Variants in GLCE observed in about 807,000 individuals in gnomAD.
GLCE encodes glucuronic acid epimerase, also known as D-glucuronyl C5-epimerase.
GLCE carries 19 observed loss-of-function variants against 47.9 expected under a neutral mutation model. That is an observed-to-expected ratio of 0.40 (90% CI 0.28 to 0.58). GLCE has a LOEUF of 0.58. Ranked by LOEUF, GLCE falls within the 20% of genes least tolerant of loss-of-function variation. GLCE has a pLI of 0.48. For missense variants in GLCE, 556 were observed against 743.3 expected (o/e 0.75, Z 2.93); for synonymous variants, 245 against 263.4 (o/e 0.93, Z 0.68).
chr15:69,181,982 G>A (rs1358077091), intron 1 of GLCE, among the ~76,000 whole-genome samples: 1 of 151,680 alleles, frequency 6.6e-6, no homozygotes, highest in Non-Finnish European at 1.5e-5. Context: ...AGAATATGTG[G>A]GCACAGACGT....
chr15:69,178,082 A>G (rs2051697632), intron 1 of GLCE, among the ~76,000 whole-genome samples: 1 of 152,176 alleles, frequency 6.6e-6, no homozygotes, highest in Admixed American at 6.5e-5. Flanking sequence ...CTTTATATGG[A>G]CATATATTTT....
intron 1 of GLCE, among the ~76,000 whole-genome samples, chr15:69,200,417 CA>C (rs2052061663): frequency 6.6e-6 from 1 of 152,150 alleles, no homozygotes; most frequent in African/African-American, 2.4e-5. Context: ...ATGAAATTTG[CA>C]GTTTGTTACA....
At chr15:69,199,858 T>G (rs550955852) in intron 1 of GLCE, among the ~76,000 whole-genome samples, 55 of 152,160 alleles carry the variant, frequency 3.6e-4, no homozygotes, top group Non-Finnish European at 7.4e-4. Flanking sequence ...GATTCATGCA[T>G]CATAGTCTGG....
intron 1 of GLCE, among the ~76,000 whole-genome samples, chr15:69,188,266 A>T (rs1382300299): frequency 6.6e-6 from 1 of 152,080 alleles, no homozygotes; most frequent in Non-Finnish European, 1.5e-5. Context: ...AAACAAAAAA[A>T]CACAACTTGG....
At chr15:69,239,142 C>T (rs2052631879) in intron 2 of GLCE, among the ~76,000 whole-genome samples, 1 of 152,130 alleles carries the variant, frequency 6.6e-6, no homozygotes, top group South Asian at 2.1e-4. Context: ...CTCCTAGCTT[C>T]CCTTGCAGCT....
In GLCE at chr15:69,269,164, A is replaced by G. The variant is rs754432185; in HGVS notation, c.1774A>G (p.Ile592Val). The change falls in exon 5 of 5, where the codon ATT becomes GTT. Residue 592 changes from isoleucine to valine, a missense_variant. Physicochemically the swap from Ile to Val is conservative, Grantham distance 29. Around this residue, in one of 3 missense-constraint regions of GLCE, gnomAD observed 245 missense variants for 368.1 expected, o/e 0.67. Coordinates refer to ENST00000261858, the MANE Select transcript of GLCE (RefSeq NM_015554.3). ...HINQLQLLST[I>V]DESPVFKEFV... is the part of the protein sequence containing the mutation. ...CAATCAGTTGCAGCTACTCAGTACC[A>G]TTGATGAGTCCCCAGTCTTCAAAGA... 4 of 1,613,706 alleles carry G rather than the reference A, an allele frequency of 2.5e-6. 1 individual carries two copies. In the South Asian group the frequency reaches 4.4e-5, roughly 18 times the overall value.
chr15:69,187,168 A>T (rs1021730382), intron 1 of GLCE, among the ~76,000 whole-genome samples: 5 of 152,174 alleles, frequency 3.3e-5, no homozygotes, highest in Admixed American at 3.3e-4. Context: ...GAAACTGGGT[A>T]TATATGCTTC....
intron 2 of GLCE, among the ~76,000 whole-genome samples, chr15:69,246,170 T>A (rs2052747290): frequency 6.6e-6 from 1 of 152,208 alleles, no homozygotes; most frequent in African/African-American, 2.4e-5. Flanking sequence ...CTTGCTGTTT[T>A]CACCACATCT....
At chr15:69,161,092 G>A (rs1043131237) in intron 1 of GLCE, among the ~76,000 whole-genome samples, 2 of 152,114 alleles carry the variant, frequency 1.3e-5, no homozygotes, top group African/African-American at 4.8e-5. Context: ...GATTTATCAG[G>A]GTCTTGAGCT....
intron 1 of GLCE, among the ~76,000 whole-genome samples, chr15:69,182,523 A>G (rs1000114948): frequency 2.0e-5 from 3 of 152,198 alleles, no homozygotes; most frequent in Non-Finnish European, 2.9e-5. Flanking sequence ...GTAGTTAAGC[A>G]TGTATGCAAA....
chr15:69,184,082 C>T (rs2051788663), intron 1 of GLCE, among the ~76,000 whole-genome samples: 1 of 152,186 alleles, frequency 6.6e-6, no homozygotes, highest in Non-Finnish European at 1.5e-5. Context: ...TTGATGTCTT[C>T]GTAGTCACAT....
At chr15:69,176,216 GTTTTTTTTT>G (rs35017106) in intron 1 of GLCE, among the ~76,000 whole-genome samples, 3 of 63,388 alleles carry the variant, frequency 4.7e-5, no homozygotes, top group Non-Finnish European at 8.0e-5. Context: ...GTGGAACCTT[GTTTTTTTTT>G]TTTTTTTTTT....
intron 2 of GLCE, among the ~76,000 whole-genome samples, chr15:69,253,402 G>A (rs1234286674): frequency 1.3e-5 from 2 of 152,210 alleles, no homozygotes; most frequent in African/African-American, 2.4e-5. Flanking sequence ...CCCTCCAGGG[G>A]AACAATCTAG....
At chr15:69,250,204 G>C (rs938404677) in intron 2 of GLCE, among the ~76,000 whole-genome samples, 2 of 152,030 alleles carry the variant, frequency 1.3e-5, no homozygotes, top group Non-Finnish European at 2.9e-5. Context: ...TTTATACCTA[G>C]CAGAATGTCA....
chr15:69,221,399 T>C (rs2052375556), intron 2 of GLCE, among the ~76,000 whole-genome samples: 1 of 152,210 alleles, frequency 6.6e-6, no homozygotes, highest in Non-Finnish European at 1.5e-5. Context: ...TTTCTATTTA[T>C]GTCTTCTTTA....
chr15:69,244,135 A>G (rs140998617), intron 2 of GLCE, among the ~76,000 whole-genome samples: 1 of 152,210 alleles, frequency 6.6e-6, no homozygotes, highest in Non-Finnish European at 1.5e-5. Context: ...ATAAGGTATT[A>G]TAATGCATTT....
chr15:69,224,184 G>A (rs1293216759), intron 2 of GLCE, among the ~76,000 whole-genome samples: 2 of 152,136 alleles, frequency 1.3e-5, no homozygotes, highest in East Asian at 1.9e-4. Flanking sequence ...GCTAAGTCTG[G>A]AAATCAGATT....
chr15:69,206,931 A>G (rs1331840029), intron 1 of GLCE, among the ~76,000 whole-genome samples: 1 of 151,976 alleles, frequency 6.6e-6, no homozygotes, highest in African/African-American at 2.4e-5. Flanking sequence ...TTCTGTACCT[A>G]TTTGTATTAT....
chr15:69,200,400 A>G (rs980246742), intron 1 of GLCE, among the ~76,000 whole-genome samples: 12 of 152,206 alleles, frequency 7.9e-5, no homozygotes, highest in African/African-American at 2.4e-4. Context: ...GCAATGTTGC[A>G]AGGCATATGA....
Sources: gnomAD v4.1 joint callset for allele counts (sites outside exome capture counted in the v4.1 genomes callset) on GRCh38, gnomAD v4.1.1 for gene constraint, gnomAD v4.1.1 regional missense constraint, MANE v1.5 for transcripts, NCBI Gene and HGNC (gene_info 2026-07-23, HGNC 2026-07-21) for gene names.